Variants in ARHGAP26 observed in about 807,000 individuals in gnomAD.
The protein encoded by ARHGAP26 is rho GTPase-activating protein 26.
ARHGAP26 carries 38 observed loss-of-function variants against 104.8 expected under a neutral mutation model. That is an observed-to-expected ratio of 0.36 (90% CI 0.28 to 0.48). The LOEUF is 0.48. Ranked by LOEUF, ARHGAP26 falls within the 20% of genes least tolerant of loss-of-function variation. The pLI is 0.99. For synonymous variants in ARHGAP26, 341 were observed against 340.0 expected, an observed-to-expected ratio of 1.00 and a Z score of -0.03; for missense variants, 704 against 947.9, an observed-to-expected ratio of 0.74 and a Z score of 3.38.
chr5:142,955,679 T>C (rs1332672391), intron 11 of ARHGAP26, among the ~76,000 whole-genome samples: 1 of 152,218 alleles, frequency 6.6e-6, no homozygotes, highest in African/African-American at 2.4e-5. Flanking sequence ...GGAAGAAATT[T>C]GTGCTGTTTT....
chr5:143,213,293 A>G (rs1248997340), intron 21 of ARHGAP26, among the ~76,000 whole-genome samples: 1 of 152,058 alleles, frequency 6.6e-6, no homozygotes. Context: ...AAAAGCAAAA[A>G]CAAACCAAAA....
At chr5:143,064,095 GGGGC>G (rs1404199131) in intron 17 of ARHGAP26, among the ~76,000 whole-genome samples, 1 of 151,994 alleles carries the variant, frequency 6.6e-6, no homozygotes, top group Non-Finnish European at 1.5e-5. Flanking sequence ...ATCTTTAAAG[GGGGC>G]GATTTTACTT....
chr5:143,046,357 G>A (rs1220803658), intron 14 of ARHGAP26, among the ~76,000 whole-genome samples: 1 of 152,146 alleles, frequency 6.6e-6, no homozygotes, highest in Non-Finnish European at 1.5e-5. Flanking sequence ...GAATTACTTC[G>A]AGTTTATTTT....
At chr5:143,155,420 C>G (rs969474290) in intron 20 of ARHGAP26, among the ~76,000 whole-genome samples, 13 of 152,208 alleles carry the variant, frequency 8.5e-5, no homozygotes, top group Non-Finnish European at 1.3e-4. Flanking sequence ...ACTCATCAAT[C>G]GGGAGCCCAG....
At position 142,980,792 on chromosome 5, in the gene ARHGAP26, T is replaced by C. The variant is rs574072269; in HGVS notation, c.1108-33288T>C. ...TCATAAGGGACACAAATCTTTACCT[T>C]AGTAAATATTGCCACATAGTCTTGC... On this transcript the variant is annotated intron_variant, in intron 11 of 22. Transcript: ENST00000645722. Among the ~76,000 whole-genome samples the C allele has an allele frequency of 2.0e-5, 3 of 152,350 alleles. No individual in the cohort carries two copies. In the East Asian group the frequency reaches 5.8e-4, roughly 29 times the overall value.
chr5:142,844,048 T>G (rs1771368012), intron 1 of ARHGAP26, among the ~76,000 whole-genome samples: 1 of 146,668 alleles, frequency 6.8e-6, no homozygotes, highest in Non-Finnish European at 1.5e-5. Context: ...GAGCTAAAAG[T>G]GAGTTTTTTT....
At chr5:143,199,160 G>A (rs887548594) in intron 20 of ARHGAP26, among the ~76,000 whole-genome samples, 3 of 152,180 alleles carry the variant, frequency 2.0e-5, no homozygotes, top group African/African-American at 7.2e-5. Context: ...GAAATAATCT[G>A]TGCAAAGACA....
At chr5:142,876,303 A>T (rs114783012) in intron 3 of ARHGAP26, among the ~76,000 whole-genome samples, 1 of 152,186 alleles carries the variant, frequency 6.6e-6, no homozygotes, top group East Asian at 1.9e-4. Flanking sequence ...CTATTCACCA[A>T]GATGCATTTT....
chr5:143,148,247 C>T (rs1799393773), intron 20 of ARHGAP26, among the ~76,000 whole-genome samples: 1 of 152,160 alleles, frequency 6.6e-6, no homozygotes, highest in African/African-American at 2.4e-5. Flanking sequence ...AGTTGTTTCA[C>T]GTGGGGAGAC....
chr5:143,171,368 T>C (rs1195231724), intron 20 of ARHGAP26, among the ~76,000 whole-genome samples: 1 of 152,198 alleles, frequency 6.6e-6, no homozygotes, highest in African/African-American at 2.4e-5. Flanking sequence ...TAGTCCCTCA[T>C]TCCTGGCCAT....
At chr5:142,862,390 G>C (rs1045408250) in intron 1 of ARHGAP26, among the ~76,000 whole-genome samples, 4 of 152,138 alleles carry the variant, frequency 2.6e-5, no homozygotes, top group African/African-American at 9.7e-5. Context: ...AAATTAATTT[G>C]GCTGGAAATG....
At chr5:142,983,268 G>T (rs112824497) in intron 11 of ARHGAP26, among the ~76,000 whole-genome samples, 5,296 of 152,146 alleles carry the variant, frequency 0.035, 318 homozygotes, top group African/African-American at 0.12. Flanking sequence ...GTACAGTGGC[G>T]CAATCTCTGC....
chr5:143,206,845 C>T (rs1277993701), intron 20 of ARHGAP26, among the ~76,000 whole-genome samples: 2 of 152,226 alleles, frequency 1.3e-5, no homozygotes, highest in Non-Finnish European at 2.9e-5. Context: ...TCGCTATAAG[C>T]TAGCCCTGCC....
chr5:143,106,465 G>GTTTTT (rs1599038993), intron 17 of ARHGAP26, among the ~76,000 whole-genome samples: 3 of 90,790 alleles, frequency 3.3e-5, no homozygotes, highest in East Asian at 3.2e-4. Context: ...AATGCATTGG[G>GTTTTT]CTTTTTTTTT....
At chr5:142,938,660 C>T (rs1182224998) in intron 11 of ARHGAP26, among the ~76,000 whole-genome samples, 1 of 152,176 alleles carries the variant, frequency 6.6e-6, no homozygotes, top group African/African-American at 2.4e-5. Flanking sequence ...ATTTAATATC[C>T]ATCTGCTATG....
chr5:142,992,632 T>A (rs1392403066), intron 11 of ARHGAP26, among the ~76,000 whole-genome samples: 1 of 152,004 alleles, frequency 6.6e-6, no homozygotes, highest in Non-Finnish European at 1.5e-5. Flanking sequence ...TTTCACCATG[T>A]TAGCCAGGAT....
At chr5:142,922,255 T>C (rs1234997895) in intron 10 of ARHGAP26, 2 of 152,182 alleles carry the variant, frequency 1.3e-5, no homozygotes, top group African/African-American at 4.8e-5. Context: ...TTTTGTGAAA[T>C]TGTGTGACTG....
In ARHGAP26 at chr5:142,949,164, CCAGAGAGAGAGAGAGAGAGAGA is replaced by C. The variant is rs1276586057; in HGVS notation, c.1107+17040_1107+17061del. 4.9e-5 allele frequency among the ~76,000 whole-genome samples: 2 copies of C among 40,600 alleles called. 1 individual carries two copies. Among genetic ancestry groups the C allele is most frequent in the African/African-American group, 2.1e-4 (2 of 9,710 alleles). The allele number at this position is 40,600 out of a possible 152,430, so 26.6% of individuals were successfully genotyped here. A position where few individuals can be genotyped will look rare whatever the true frequency, so the allele number is the denominator to read the frequency against. ...CTGCTGAAGTTTTATAGTTGAATTT[CCAGAGAGAGAGAGAGAGAGAGA>C]GAGAGAGAGAGAGAGAGAGAGAGAG... is the stretch of plus-strand genomic sequence containing the variant. On this transcript the variant is annotated intron_variant, in intron 11 of 22. Transcript: ENST00000645722.
At position 142,890,150 on chromosome 5, in the gene ARHGAP26, AAATATATAT is replaced by A. The variant is rs1416449036; in HGVS notation, c.487-4086_487-4078del. Reference sequence around the variant, plus strand: ...AAACTCCGTCTTAAAAAAAAAAAAAAAATATATATATATATATATATATATATATATATA... The same window carrying A: ...AAACTCCGTCTTAAAAAAAAAAAAAAATATATATATATATATATATATATA... On this transcript the variant is annotated intron_variant, in intron 5 of 22. Coordinates refer to ENST00000645722, the MANE Select transcript of ARHGAP26 (RefSeq NM_001135608.3). 6.5e-4 allele frequency among the ~76,000 whole-genome samples: 46 copies of A among 70,960 alleles called. No homozygotes were observed. The East Asian group carries it at 0.015, about 23-fold the overall frequency. The allele number at this position is 70,960 out of a possible 152,430, so 46.6% of individuals were successfully genotyped here.
Sources: allele counts gnomAD v4.1 joint callset (sites outside exome capture counted in the v4.1 genomes callset), GRCh38; gene constraint gnomAD v4.1.1; transcripts MANE v1.5; gene names NCBI Gene and HGNC (gene_info 2026-07-23, HGNC 2026-07-21).